The following CCDC171 variants were observed in gnomAD, a reference collection of about 807,000 sequenced individuals.
CCDC171 encodes coiled-coil domain containing 171.
Under a neutral mutation model 168.2 loss-of-function variants are expected in CCDC171, and 177 were observed. The ratio of observed to expected loss-of-function variants is 1.05; its 90% CI spans 0.93 to 1.19. CCDC171 has a LOEUF of 1.19. Among genes scored for constraint, CCDC171 ranks in the 50% most tolerant of loss-of-function variants. CCDC171 has a pLI of 0.00. For missense variants in CCDC171, 1,991 were observed against 1,539.0 expected (o/e 1.29, Z -4.91); for synonymous variants, 687 against 540.8 (o/e 1.27, Z -3.75).
chr9:15,705,899 A>G (rs570986333), intron 11 of CCDC171, among the ~76,000 whole-genome samples: 3 of 152,330 alleles, frequency 2.0e-5, no homozygotes, highest in South Asian at 2.1e-4. Context: ...TTGAAGGTCT[A>G]TTTTACATTT....
intron 24 of CCDC171, among the ~76,000 whole-genome samples, chr9:15,882,687 C>A (rs371222326): frequency 1.3e-5 from 2 of 152,036 alleles, no homozygotes; most frequent in African/African-American, 4.8e-5. Flanking sequence ...CAATCTGTAT[C>A]TTCTCCTAAG....
At chr9:15,899,247 A>G (rs1420826032) in intron 24 of CCDC171, among the ~76,000 whole-genome samples, 1 of 152,108 alleles carries the variant, frequency 6.6e-6, no homozygotes, top group Non-Finnish European at 1.5e-5. Flanking sequence ...TCACTGAAGG[A>G]TATTTTGTTG....
intron 7 of CCDC171, among the ~76,000 whole-genome samples, chr9:15,651,145 T>C (rs1157693191): frequency 6.6e-6 from 1 of 151,832 alleles, no homozygotes; most frequent in Admixed American, 6.6e-5. Flanking sequence ...AGTCTCACTG[T>C]CTCACCCAGG....
At chr9:16,105,427 G>A in the CCDC171 span, among the ~76,000 whole-genome samples, 1 of 147,060 alleles carries the variant, frequency 6.8e-6, no homozygotes, top group East Asian at 1.9e-4. Flanking sequence ...AAACTTTGGA[G>A]ACCAGGCAGT....
chr9:15,606,421 T>A (rs1457773421), intron 6 of CCDC171, among the ~76,000 whole-genome samples: 1 of 152,208 alleles, frequency 6.6e-6, no homozygotes, highest in East Asian at 1.9e-4. Flanking sequence ...ATAAATGTTA[T>A]ACAAAGCACC....
chr9:15,603,350 C>T (rs2042999265), intron 6 of CCDC171, among the ~76,000 whole-genome samples: 1 of 152,176 alleles, frequency 6.6e-6, no homozygotes. Flanking sequence ...GTCAACCCAT[C>T]ACCTAGGTAT....
At chr9:15,745,668 T>A (rs1003498245) in intron 18 of CCDC171, 37 bp downstream of exon 18, 8 of 1,225,478 alleles carry the variant, frequency 6.5e-6, no homozygotes, top group African/African-American at 1.6e-5. Flanking sequence ...CAAAATACAT[T>A]TAAGAACAAA....
chr9:15,727,911 G>A lies in CCDC171; in HGVS notation c.1735G>A (p.Ala579Thr). 1 of 1,612,828 alleles carries A rather than the reference G, an allele frequency of 6.2e-7. No individual in the cohort carries two copies. Among genetic ancestry groups the A allele is most frequent in the Non-Finnish European group, 8.5e-7 (1 of 1,179,396 alleles). Reference sequence around the variant, plus strand: ...TCACACCTTATATCAGCACTTGGTAGCAGGCTGTGTGCTCATAAAACAACC... The same window carrying A: ...TCACACCTTATATCAGCACTTGGTAACAGGCTGTGTGCTCATAAAACAACC... ...FLHTLYQHLV[A>T]GCVLIKQPEG... The change falls in exon 15 of 26, where the codon GCA becomes ACA. Residue 579 changes from alanine (A) to threonine (T), a missense_variant. Physicochemically the swap from Ala to Thr is moderately conservative, Grantham distance 58 (BLOSUM62 0). Transcript: ENST00000380701.
chr9:15,642,049 A>G lies in CCDC171; in HGVS notation c.823-15078A>G, dbSNP rs544527908. On this transcript the variant is annotated intron_variant, in intron 7 of 25. Coordinates refer to ENST00000380701, the MANE Select transcript of CCDC171 (RefSeq NM_173550.4). ...CATGGTGGTGTGTGCTTGTGGTCCC[A>G]GCTACTCAGGAGGCTGAGGCAGGAC... Among the ~76,000 whole-genome samples, 5 of 152,146 alleles carry G rather than the reference A, an allele frequency of 3.3e-5. No homozygotes were observed. In the South Asian group the frequency reaches 1.0e-3, roughly 32 times the overall value.
chr9:15,974,982 C>T (rs764182795), downstream of CCDC171, among the ~76,000 whole-genome samples: 111 of 152,020 alleles, frequency 7.3e-4, no homozygotes, highest in Non-Finnish European at 1.4e-3. Context: ...TTGCCCAGGC[C>T]GGTCTTGAAC....
intron 21 of CCDC171, among the ~76,000 whole-genome samples, chr9:15,811,611 A>G (rs2059359796): frequency 2.0e-5 from 3 of 152,180 alleles, no homozygotes; most frequent in Non-Finnish European, 4.4e-5. Context: ...ACTTTAAGTA[A>G]GTGTGGATTT....
At chr9:15,876,234 G>A (rs1364308553) in intron 24 of CCDC171, among the ~76,000 whole-genome samples, 1 of 152,046 alleles carries the variant, frequency 6.6e-6, no homozygotes, top group Non-Finnish European at 1.5e-5. Flanking sequence ...CTCCCACCTG[G>A]ATAAGTTCCA....
chr9:15,706,849 C>T (rs980174403), intron 11 of CCDC171, among the ~76,000 whole-genome samples: 2 of 152,130 alleles, frequency 1.3e-5, no homozygotes, highest in Non-Finnish European at 2.9e-5. Flanking sequence ...TGAAGGATCC[C>T]AGGAAATAAA....
At chr9:16,095,699 A>G in the CCDC171 span, among the ~76,000 whole-genome samples, 1 of 151,950 alleles carries the variant, frequency 6.6e-6, no homozygotes, top group Admixed American at 6.6e-5. Context: ...TGCCAGGCGA[A>G]CCTGGTGTTG....
intron 6 of CCDC171, among the ~76,000 whole-genome samples, chr9:15,602,461 A>G (rs2042923734): frequency 6.6e-6 from 1 of 152,076 alleles, no homozygotes. Context: ...TCTGGGCTTT[A>G]GAATTCAGAC....
At chr9:15,848,025 T>C (rs1182630710) in intron 22 of CCDC171, among the ~76,000 whole-genome samples, 1 of 152,044 alleles carries the variant, frequency 6.6e-6, no homozygotes, top group Non-Finnish European at 1.5e-5. Context: ...CCCAGTTTCA[T>C]CATGTCAAAT....
intron 20 of CCDC171, among the ~76,000 whole-genome samples, chr9:15,782,337 A>G (rs1312932545): frequency 6.6e-6 from 1 of 152,176 alleles, no homozygotes; most frequent in East Asian, 1.9e-4. Context: ...TTAGCTCCTT[A>G]CACTTGCTTT....
chr9:16,027,347 G>C (rs1198233581), intron 6 of CCDC171, among the ~76,000 whole-genome samples: 1 of 151,922 alleles, frequency 6.6e-6, no homozygotes, highest in Non-Finnish European at 1.5e-5. Flanking sequence ...TGAATACCTG[G>C]ACCACCAACA....
At chr9:15,605,739 A>G (rs1299607315) in intron 6 of CCDC171, among the ~76,000 whole-genome samples, 1 of 152,032 alleles carries the variant, frequency 6.6e-6, no homozygotes, top group East Asian at 1.9e-4. Context: ...TAAAAGCAAG[A>G]AAGTAAGGGT....
Sources: allele counts gnomAD v4.1 joint callset (sites outside exome capture counted in the v4.1 genomes callset), GRCh38; gene constraint gnomAD v4.1.1; transcripts MANE v1.5; gene names NCBI Gene and HGNC (gene_info 2026-07-23, HGNC 2026-07-21).